Variants in TMEM135 observed in about 807,000 individuals in gnomAD.
TMEM135 encodes peroxisomal membrane protein 52.
In TMEM135, 30 loss-of-function variants were observed where a neutral mutation model predicts 60.3. That is an observed-to-expected ratio of 0.50 (90% CI 0.37 to 0.68). The LOEUF (loss-of-function observed/expected upper bound fraction) is 0.68. Among genes scored for constraint, TMEM135 ranks in the 30% least tolerant of loss-of-function variants. The pLI, the probability that TMEM135 is intolerant of heterozygous loss-of-function variation, is 0.00. For missense variants in TMEM135, 468 were observed against 548.8 expected, an observed-to-expected ratio of 0.85 and a Z score of 1.47; for synonymous variants, 190 against 186.7, an observed-to-expected ratio of 1.02 and a Z score of -0.14.
intron 4 of TMEM135, chr11:87,121,382 A>G (rs558449287): frequency 1.1e-4 from 17 of 152,280 alleles, no homozygotes; most frequent in Non-Finnish European, 2.4e-4. Flanking sequence ...AAATAATTAA[A>G]ATTATGATGA....
intron 6 of TMEM135, among the ~76,000 whole-genome samples, chr11:87,251,582 G>A (rs532146516): frequency 3.4e-4 from 46 of 134,742 alleles, no homozygotes; most frequent in Middle Eastern, 3.7e-3. Context: ...AAATAAGAAC[G>A]ATATTTTATA....
At chr11:87,081,524 AT>A (rs1412408151) in intron 3 of TMEM135, among the ~76,000 whole-genome samples, 1 of 152,188 alleles carries the variant, frequency 6.6e-6, no homozygotes, top group Non-Finnish European at 1.5e-5. Context: ...GAACGCTAAC[AT>A]TAGTTCAAAT....
At chr11:87,058,584 G>C (rs906383351) in intron 1 of TMEM135, among the ~76,000 whole-genome samples, 2 of 151,856 alleles carry the variant, frequency 1.3e-5, no homozygotes, top group South Asian at 4.2e-4. Flanking sequence ...ACCCGCCTTG[G>C]CCTATGATAA....
chr11:87,110,104 T>G (rs1857704793), intron 4 of TMEM135, among the ~76,000 whole-genome samples: 1 of 152,110 alleles, frequency 6.6e-6, no homozygotes, highest in African/African-American at 2.4e-5. Flanking sequence ...ATGACCTGAG[T>G]GGCAGTGTAC....
At chr11:87,310,953 A>T (rs1942630253) in intron 10 of TMEM135, among the ~76,000 whole-genome samples, 2 of 151,910 alleles carry the variant, frequency 1.3e-5, no homozygotes, top group Non-Finnish European at 2.9e-5. Flanking sequence ...AGGAGTGTGC[A>T]TTTTTGTAGA....
At chr11:87,183,815 G>A (rs545639311) in intron 5 of TMEM135, among the ~76,000 whole-genome samples, 2 of 152,072 alleles carry the variant, frequency 1.3e-5, no homozygotes, top group African/African-American at 4.8e-5. Flanking sequence ...AATTAGCTGG[G>A]CGTGGTGGCG....
intron 4 of TMEM135, among the ~76,000 whole-genome samples, chr11:87,131,949 C>T (rs1002621811): frequency 1.2e-4 from 18 of 151,984 alleles, no homozygotes; most frequent in Middle Eastern, 3.2e-3. Context: ...TTATGAATTG[C>T]ACATGTGAAG....
chr11:87,314,699 T>G (rs985560264), intron 12 of TMEM135, 152 bp downstream of exon 12: 2 of 670,208 alleles, frequency 3.0e-6, no homozygotes, highest in Non-Finnish European at 5.3e-6. Flanking sequence ...TTTTTCTTTG[T>G]GTGTGTGTTA....
chr11:87,046,676 C>G (rs1360389950), intron 1 of TMEM135, among the ~76,000 whole-genome samples: 1 of 152,094 alleles, frequency 6.6e-6, no homozygotes, highest in East Asian at 1.9e-4. Context: ...TGTCCTAATC[C>G]TAGAGATGAA....
chr11:87,232,469 A>G (rs1332258338), intron 5 of TMEM135, among the ~76,000 whole-genome samples: 1 of 151,582 alleles, frequency 6.6e-6, no homozygotes, highest in African/African-American at 2.4e-5. Flanking sequence ...TTTGAAGACT[A>G]CCCCAGGCAC....
At chr11:87,245,420 C>T in intron 6 of TMEM135, among the ~76,000 whole-genome samples, 1 of 103,446 alleles carries the variant, frequency 9.7e-6, no homozygotes, top group Non-Finnish European at 2.2e-5. Flanking sequence ...AACTTTCTGA[C>T]TCGCTGATCT....
chr11:87,259,650 T>C (rs1031638353), intron 6 of TMEM135, among the ~76,000 whole-genome samples: 1 of 152,208 alleles, frequency 6.6e-6, no homozygotes, highest in Non-Finnish European at 1.5e-5. Context: ...ACACCATCGA[T>C]ATACAAGTTC....
chr11:87,042,959 G>GTTT (rs59843545), intron 1 of TMEM135, among the ~76,000 whole-genome samples: 44 of 141,184 alleles, frequency 3.1e-4, no homozygotes, highest in African/African-American at 9.2e-4. Flanking sequence ...GTTTTGTTTT[G>GTTT]TTTTTTTTTT....
intron 1 of TMEM135, among the ~76,000 whole-genome samples, chr11:87,055,262 A>T (rs1949882643): frequency 6.6e-6 from 1 of 152,230 alleles, no homozygotes; most frequent in South Asian, 2.1e-4. Context: ...AACGTGACAA[A>T]TCAAGAGAAA....
In TMEM135 at chr11:87,314,531, C is replaced by T. The variant is rs143158578; in HGVS notation, c.1061C>T (p.Ala354Val). 2.9e-5 allele frequency: 47 copies of T among 1,610,550 alleles called. No individual in the cohort carries two copies. Among genetic ancestry groups the T allele is most frequent in the Non-Finnish European group, 3.8e-5 (45 of 1,177,604 alleles). The stretch of plus-strand genomic sequence containing the variant: ...AGCACAACAATTTCCATGTATTTAG[C>T]GTCCAAATTGGTAGAGGTAAGCGAA... ...YKSTTISMYL[A>V]SKLVETMYFK... is the part of the protein sequence containing the mutation. Residue 354 changes from alanine to valine, a missense_variant, in exon 12 of 15, where the codon GCG becomes GTG. Ala to Val is a moderately conservative substitution (Grantham distance 64). Transcript: ENST00000305494.
intron 7 of TMEM135, among the ~76,000 whole-genome samples, chr11:87,297,402 A>G (rs1385432102): frequency 6.6e-6 from 1 of 152,228 alleles, no homozygotes; most frequent in African/African-American, 2.4e-5. Context: ...CTAAGTCATA[A>G]TACACAACAC....
chr11:87,073,840 G>A (rs953708222), intron 3 of TMEM135, among the ~76,000 whole-genome samples: 17 of 152,066 alleles, frequency 1.1e-4, no homozygotes, highest in Middle Eastern at 3.4e-3. Context: ...GCTAATTTTT[G>A]TATTTTTAGT....
chr11:87,295,815 T>G lies in TMEM135; in HGVS notation c.543T>G (p.Ser181=). Residue 181 remains serine, a synonymous_variant, in exon 7 of 15, where the codon TCT becomes TCG. Coordinates refer to ENST00000305494, the MANE Select transcript of TMEM135 (RefSeq NM_022918.4). ...ATGGCTTGAAAGGATTTACATTTTC[T>G]GCACTTAGGTAAGAAACATTTATTT... is the stretch of plus-strand genomic sequence containing the variant. The part of the protein sequence containing the change: ...CKDGLKGFTF[S]ALRFIVGKEE... 1 of 1,607,190 alleles carries G rather than the reference T, an allele frequency of 6.2e-7. No homozygotes were observed. Among genetic ancestry groups the G allele is most frequent in the South Asian group, 1.1e-5 (1 of 89,602 alleles).
chr11:87,302,547 T>C, intron 8 of TMEM135, 105 bp downstream of exon 8: 5 of 1,394,362 alleles, frequency 3.6e-6, no homozygotes, highest in South Asian at 2.4e-5. Flanking sequence ...ATGATGATCA[T>C]TTTTCACCAG....
Sources: gnomAD v4.1 joint callset for allele counts (sites outside exome capture counted in the v4.1 genomes callset) on GRCh38, gnomAD v4.1.1 for gene constraint, MANE v1.5 for transcripts, NCBI Gene and HGNC (gene_info 2026-07-23, HGNC 2026-07-21) for gene names.